Variants in CAST observed in about 807,000 individuals in gnomAD.
CAST encodes MIR583 host.
A neutral mutation model predicts 119.6 loss-of-function variants in CAST; 76 were observed. The ratio of observed to expected loss-of-function variants is 0.64; its 90% CI spans 0.53 to 0.77. The LOEUF (loss-of-function observed/expected upper bound fraction) is 0.77. Ranked by LOEUF, CAST falls within the 30% of genes least tolerant of loss-of-function variation. The probability of loss-of-function intolerance (pLI) is 0.00; values close to 1 mark genes in which losing one functional copy is unlikely to be tolerated. For synonymous variants in CAST, 319 were observed against 331.6 expected, an observed-to-expected ratio of 0.96 and a Z score of 0.41; for missense variants, 953 against 946.5, an observed-to-expected ratio of 1.01 and a Z score of -0.09.
chr5:96,055,796 G>C, the CAST span, among the ~76,000 whole-genome samples: 1 of 152,008 alleles, frequency 6.6e-6, no homozygotes, highest in Admixed American at 6.6e-5. Flanking sequence ...TTCTATATCA[G>C]TAATTTCCTG....
At chr5:96,601,246 T>C (rs1747147151) in intron 1 of CAST, among the ~76,000 whole-genome samples, 1 of 152,362 alleles carries the variant, frequency 6.6e-6, no homozygotes, top group East Asian at 1.9e-4. Context: ...TTAGAATTTA[T>C]TGTGTCTATC....
At chr5:96,745,282 C>T (rs1419730063) in intron 16 of CAST, among the ~76,000 whole-genome samples, 1 of 152,188 alleles carries the variant, frequency 6.6e-6, no homozygotes, top group Admixed American at 6.5e-5. Flanking sequence ...AAACTAATCC[C>T]AAAGCATAGA....
chr5:96,364,630 T>C, the CAST span, among the ~76,000 whole-genome samples: 2 of 152,266 alleles, frequency 1.3e-5, no homozygotes, highest in African/African-American at 2.4e-5. Context: ...TATAGTATTC[T>C]CTGATGGTAG....
At chr5:96,639,004 A>G (rs931152928) in intron 1 of CAST, among the ~76,000 whole-genome samples, 4 of 151,920 alleles carry the variant, frequency 2.6e-5, no homozygotes, top group Non-Finnish European at 5.9e-5. Flanking sequence ...GTGGCCTCCT[A>G]TCTTCTCGGG....
chr5:96,320,517 C>A, the CAST span, among the ~76,000 whole-genome samples: 11 of 152,200 alleles, frequency 7.2e-5, 1 homozygote, highest in East Asian at 1.7e-3. Flanking sequence ...GGATTACAGG[C>A]GTGAGTCACC....
chr5:96,199,601 G>T, the CAST span, among the ~76,000 whole-genome samples: 1 of 151,898 alleles, frequency 6.6e-6, no homozygotes, highest in Non-Finnish European at 1.5e-5. Context: ...AAAATTTAAG[G>T]CCACATATTA....
At chr5:96,685,880 A>G (rs1214232246) in intron 2 of CAST, among the ~76,000 whole-genome samples, 2 of 152,270 alleles carry the variant, frequency 1.3e-5, no homozygotes, top group East Asian at 3.8e-4. Context: ...ATTTTGAGTA[A>G]CACTGAAATA....
chr5:96,729,108 A>C (rs779627314), intron 6 of CAST, 45 bp from the exon 7 acceptor site: 2 of 1,133,406 alleles, frequency 1.8e-6, no homozygotes, highest in South Asian at 2.6e-5. Flanking sequence ...AAGTATTACA[A>C]GTTGGATTCC....
At chr5:96,550,474 T>C (rs559150298) in intron 1 of CAST, among the ~76,000 whole-genome samples, 54 of 151,990 alleles carry the variant, frequency 3.6e-4, no homozygotes, top group Non-Finnish European at 6.0e-4. Flanking sequence ...GAGCAGAAAG[T>C]CTAGAAATTC....
chr5:96,377,201 T>C, the CAST span, among the ~76,000 whole-genome samples: 2 of 151,874 alleles, frequency 1.3e-5, no homozygotes, highest in African/African-American at 2.4e-5. Flanking sequence ...AAAATTAAAT[T>C]TATAAAGTAA....
the CAST span, among the ~76,000 whole-genome samples, chr5:96,494,933 C>T: frequency 2.1e-4 from 32 of 151,856 alleles, 1 homozygote; most frequent in Middle Eastern, 3.4e-3. Context: ...CTGGCTAACA[C>T]AGTGAAACCC....
chr5:96,187,972 C>G, the CAST span, among the ~76,000 whole-genome samples: 2 of 152,234 alleles, frequency 1.3e-5, no homozygotes, highest in East Asian at 3.9e-4. Flanking sequence ...CTTCACATGC[C>G]TTTGTAGTTA....
the CAST span, among the ~76,000 whole-genome samples, chr5:95,993,146 A>C: frequency 6.6e-6 from 1 of 152,182 alleles, no homozygotes; most frequent in Admixed American, 6.6e-5. Flanking sequence ...TTTTCAGCAA[A>C]AGCACCAAGG....
intron 1 of CAST, among the ~76,000 whole-genome samples, chr5:96,541,210 A>G (rs1034124332): frequency 1.3e-5 from 2 of 152,166 alleles, no homozygotes; most frequent in Admixed American, 6.5e-5. Flanking sequence ...TCTATTTTAT[A>G]TTTTAGATTA....
chr5:96,718,644 C>T lies in CAST; in HGVS notation c.211-3995C>T, dbSNP rs114440223. 2.5e-3 allele frequency among the ~76,000 whole-genome samples: 386 copies of T among 152,140 alleles called. 1 individual carries two copies. The highest frequency in any genetic ancestry group is 4.2e-3 in the Non-Finnish European group (287 of 68,002). ...GGGAGGGAACCCAGGGCTCCTAAAG[C>T]CACAGCAGCCAACAAGGAGAGAACA... On this transcript the variant is annotated intron_variant, in intron 3 of 31. Coordinates refer to ENST00000675179, the MANE Select transcript of CAST (RefSeq NM_001750.7).
At chr5:95,970,575 G>A in the CAST span, among the ~76,000 whole-genome samples, 1 of 152,182 alleles carries the variant, frequency 6.6e-6, no homozygotes. Context: ...GGAATGTTAT[G>A]CATCTGGAAA....
the CAST span, among the ~76,000 whole-genome samples, chr5:96,109,152 A>C: frequency 3.5e-3 from 533 of 152,252 alleles, 2 homozygotes; most frequent in African/African-American, 4.5e-3. Flanking sequence ...TGAACCCGGT[A>C]CCTCAGATGG....
At chr5:96,389,683 C>T in the CAST span, among the ~76,000 whole-genome samples, 1 of 152,280 alleles carries the variant, frequency 6.6e-6, no homozygotes, top group South Asian at 2.1e-4. Context: ...TGCCTGTAAT[C>T]CCAGCACTTT....
intron 1 of CAST, among the ~76,000 whole-genome samples, chr5:96,674,920 A>G (rs1057463746): frequency 1.3e-5 from 2 of 152,238 alleles, no homozygotes; most frequent in African/African-American, 2.4e-5. Context: ...CTTGTACCCC[A>G]TAAAGATGTA....
Sources: allele counts gnomAD v4.1 joint callset (sites outside exome capture counted in the v4.1 genomes callset), GRCh38; gene constraint gnomAD v4.1.1; transcripts MANE v1.5; gene names NCBI Gene and HGNC (gene_info 2026-07-23, HGNC 2026-07-21).